The following XKR9 variants were observed in gnomAD, a reference collection of about 807,000 sequenced individuals.
The protein encoded by XKR9 is XK-related protein 9.
Under a neutral mutation model 32.0 loss-of-function variants are expected in XKR9, and 32 were observed. The ratio of observed to expected loss-of-function variants is 1.00; its 90% confidence interval spans 0.76 to 1.34. The LOEUF is 1.34. XKR9 is among the 40% of genes most tolerant of loss of function. XKR9 has a pLI of 0.00. For synonymous variants in XKR9, 168 were observed against 143.4 expected, an observed-to-expected ratio of 1.17 and a Z score of -1.22; for missense variants, 546 against 429.7, an observed-to-expected ratio of 1.27 and a Z score of -2.39.
the XKR9 span, among the ~76,000 whole-genome samples, chr8:70,866,581 C>T: frequency 2.6e-5 from 4 of 151,972 alleles, no homozygotes; most frequent in South Asian, 4.2e-4. Context: ...TTCTTGTTCT[C>T]AGACCAATGA....
chr8:70,918,547 G>C, the XKR9 span, among the ~76,000 whole-genome samples: 1 of 151,942 alleles, frequency 6.6e-6, no homozygotes, highest in Admixed American at 6.6e-5. Flanking sequence ...AGGTCTTCCA[G>C]AGCTCCTGTA....
At chr8:71,026,600 G>T in the XKR9 span, among the ~76,000 whole-genome samples, 25 of 152,294 alleles carry the variant, frequency 1.6e-4, no homozygotes, top group East Asian at 4.0e-3. Context: ...AAATGCGTTG[G>T]AGTTATTTGC....
chr8:70,926,731 G>A, the XKR9 span, among the ~76,000 whole-genome samples: 6 of 152,110 alleles, frequency 3.9e-5, no homozygotes, highest in Non-Finnish European at 7.3e-5. Flanking sequence ...TGATAACTAA[G>A]TGCTCTACCA....
chr8:70,774,935 A>G (rs781140708), intron 2 of XKR9, among the ~76,000 whole-genome samples: 3 of 152,124 alleles, frequency 2.0e-5, no homozygotes, highest in Non-Finnish European at 4.4e-5. Flanking sequence ...TAGAATTTTG[A>G]TTAGGACTGT....
chr8:71,004,356 G>A, the XKR9 span, among the ~76,000 whole-genome samples: 1 of 152,096 alleles, frequency 6.6e-6, no homozygotes, highest in Non-Finnish European at 1.5e-5. Context: ...CCCATAGAGA[G>A]AAAAAGAGTG....
At chr8:70,999,422 GC>G in the XKR9 span, among the ~76,000 whole-genome samples, 1 of 152,026 alleles carries the variant, frequency 6.6e-6, no homozygotes. Flanking sequence ...AGTTATTCTA[GC>G]CCACTGCTGG....
intron 4 of XKR9, among the ~76,000 whole-genome samples, chr8:70,720,533 C>T (rs553054227): frequency 6.6e-6 from 1 of 152,170 alleles, no homozygotes; most frequent in East Asian, 1.9e-4. Flanking sequence ...TATTGAAGGC[C>T]TTTTCTGCAT....
the XKR9 span, among the ~76,000 whole-genome samples, chr8:70,930,864 A>G: frequency 3.3e-5 from 5 of 152,100 alleles, no homozygotes; most frequent in South Asian, 1.0e-3. Context: ...ATGGTTGGGT[A>G]TGGTTTAGAA....
At chr8:71,024,866 G>A in the XKR9 span, among the ~76,000 whole-genome samples, 1 of 152,110 alleles carries the variant, frequency 6.6e-6, no homozygotes, top group Admixed American at 6.5e-5. Flanking sequence ...TCTCTTGGTT[G>A]TTCTATTTGA....
At chr8:71,045,642 G>A in the XKR9 span, among the ~76,000 whole-genome samples, 16 of 152,300 alleles carry the variant, frequency 1.1e-4, no homozygotes, top group Middle Eastern at 3.4e-3. Flanking sequence ...GGTGTGCCAC[G>A]CGCAGTTCCA....
At chr8:71,002,668 T>C in the XKR9 span, among the ~76,000 whole-genome samples, 2 of 152,280 alleles carry the variant, frequency 1.3e-5, no homozygotes, top group South Asian at 2.1e-4. Context: ...TCACAACCAC[T>C]ACAAGTCCTA....
At chr8:71,036,533 A>G in the XKR9 span, among the ~76,000 whole-genome samples, 10 of 152,264 alleles carry the variant, frequency 6.6e-5, no homozygotes, top group African/African-American at 2.4e-4. Context: ...GGGGTCAAAG[A>G]ACAGGGGATA....
intron 4 of XKR9, among the ~76,000 whole-genome samples, chr8:70,714,753 C>G (rs927310320): frequency 6.6e-6 from 1 of 151,898 alleles, no homozygotes; most frequent in Non-Finnish European, 1.5e-5. Flanking sequence ...TTGTTGATGT[C>G]TTATTTAGTG....
At chr8:70,876,777 T>C in the XKR9 span, among the ~76,000 whole-genome samples, 1 of 152,098 alleles carries the variant, frequency 6.6e-6, no homozygotes, top group Non-Finnish European at 1.5e-5. Flanking sequence ...TTGCATTGGG[T>C]TCTTTCTCAT....
downstream of XKR9, among the ~76,000 whole-genome samples, chr8:70,740,090 C>T (rs1384331034): frequency 6.6e-6 from 1 of 152,180 alleles, no homozygotes; most frequent in Non-Finnish European, 1.5e-5. Flanking sequence ...TTCTGCCCGT[C>T]ACTTTCAGGT....
chr8:70,762,903 C>A (rs142324288), intron 2 of XKR9, among the ~76,000 whole-genome samples: 83 of 152,236 alleles, frequency 5.5e-4, no homozygotes, highest in African/African-American at 2.0e-3. Context: ...ATAGGTTTTT[C>A]ATCCTTTTGT....
At chr8:70,835,529 C>A in the XKR9 span, among the ~76,000 whole-genome samples, 1 of 151,970 alleles carries the variant, frequency 6.6e-6, no homozygotes, top group African/African-American at 2.4e-5. Context: ...ACAATAAAAA[C>A]CTGTAGGCCA....
chr8:70,774,936 T>C (rs1807499349), intron 2 of XKR9, among the ~76,000 whole-genome samples: 1 of 152,262 alleles, frequency 6.6e-6, no homozygotes, highest in Non-Finnish European at 1.5e-5. Flanking sequence ...AGAATTTTGA[T>C]TAGGACTGTA....
chr8:70,857,003 T>C, the XKR9 span, among the ~76,000 whole-genome samples: 3 of 152,126 alleles, frequency 2.0e-5, no homozygotes, highest in Admixed American at 1.3e-4. Context: ...AAGCACTAAA[T>C]GCCCACAAGA....
Sources: allele counts gnomAD v4.1 joint callset (sites outside exome capture counted in the v4.1 genomes callset), GRCh38; gene constraint gnomAD v4.1.1; transcripts MANE v1.5; gene names NCBI Gene and HGNC (gene_info 2026-07-23, HGNC 2026-07-21).